CEACAM7: variants seen among roughly 807,000 people sequenced by gnomAD.
CEACAM7 encodes CEA cell adhesion molecule 7.
A neutral mutation model predicts 25.7 loss-of-function variants in CEACAM7; 24 were observed. The ratio of observed to expected loss-of-function variants is 0.93; its 90% confidence interval spans 0.68 to 1.31. The LOEUF is 1.31. CEACAM7 is among the 40% of genes most tolerant of loss of function. The pLI is 0.00. For synonymous variants in CEACAM7, 144 were observed against 129.4 expected (o/e 1.11, Z -0.77); for missense variants, 324 against 330.1 (o/e 0.98, Z 0.14).
In CEACAM7 at chr19:41,674,580, C is replaced by A; in HGVS notation, c.*196G>T. On this transcript the variant is annotated 3_prime_UTR_variant, in exon 5 of 5. Transcript: ENST00000401731. ...TTATGGTGTTGAACATTTTGGTTAG[C>A]TCTGAGTGGCCCACATCTCAGGCAT... The A allele has an allele frequency of 3.4e-6, 1 of 291,424 alleles. No homozygotes were observed. Among genetic ancestry groups the A allele is most frequent in the South Asian group, 3.4e-5 (1 of 29,738 alleles). The allele number at this position is 291,424 out of a possible 1,614,324, so 18.1% of individuals were successfully genotyped here. A position where few individuals can be genotyped will look rare whatever the true frequency, so the allele number is the denominator to read the frequency against.
intron 3 of CEACAM7, among the ~76,000 whole-genome samples, chr19:41,682,246 G>A (rs782242040): frequency 6.6e-5 from 10 of 151,984 alleles, no homozygotes; most frequent in African/African-American, 1.2e-4. Flanking sequence ...GCCCTAAACC[G>A]TATATGTAAA....
chr19:41,683,735 C>T, intron 3 of CEACAM7, 50 bp downstream of exon 3: 1 of 1,604,352 alleles, frequency 6.2e-7, no homozygotes, highest in East Asian at 2.2e-5. Context: ...TCTCTGGCTG[C>T]ATGGATTTGG....
At position 41,674,050 on chromosome 19, in the gene CEACAM7, T is replaced by C. The variant is rs2072090404; in HGVS notation, c.*726A>G. On this transcript the variant is annotated 3_prime_UTR_variant, in exon 5 of 5. Coordinates refer to ENST00000401731, the MANE Select transcript of CEACAM7 (RefSeq NM_001291485.2). ...CAGCATATTTGTTAATTTTTGCAAC[T>C]GAGTCTCTATAGTACCCACTGTATT... is the stretch of plus-strand genomic sequence containing the variant. The C allele has an allele frequency of 6.6e-6, 1 of 152,228 alleles. No individual in the cohort carries two copies. Among genetic ancestry groups the C allele is most frequent in the Non-Finnish European group, 1.5e-5 (1 of 68,032 alleles). 9.4% of individuals were successfully genotyped at this position (152,228 alleles called of 1,614,324 possible). A position where few individuals can be genotyped will look rare whatever the true frequency, so the allele number is the denominator to read the frequency against.
chr19:41,687,352 T>C, intron 1 of CEACAM7, 131 bp from the exon 2 acceptor site: 2 of 881,956 alleles, frequency 2.3e-6, no homozygotes, highest in Non-Finnish European at 3.5e-6. Context: ...TGTGTGTGTG[T>C]CCTACTGGAT....
rs1232125972 is a variant in CEACAM7, at chr19:41,684,067, T to A, written c.428-4A>T. The A allele has an allele frequency of 1.1e-5, 18 of 1,612,516 alleles. No homozygotes were observed. Among genetic ancestry groups the A allele is most frequent in the African/African-American group, 2.7e-5 (2 of 74,606 alleles). On this transcript the variant is annotated splice_region_variant and splice_polypyrimidine_tract_variant and intron_variant, in intron 2 of 4. Coordinates refer to ENST00000401731, the MANE Select transcript of CEACAM7 (RefSeq NM_001291485.2). ...ATGGAGGGCTTGGGTGGCTCCGCTG[T>A]GCAGATAAGAGAGAGAAAAGATTGC...
chr19:41,678,047 T>C (rs1600428531), intron 3 of CEACAM7, among the ~76,000 whole-genome samples: 2 of 152,182 alleles, frequency 1.3e-5, no homozygotes, highest in South Asian at 4.1e-4. Context: ...TTTCTTTTTT[T>C]TCTCTTTCTC....
In CEACAM7 at chr19:41,675,351, A is replaced by G. The variant is rs138765595; in HGVS notation, c.*37-612T>C. On this transcript the variant is annotated intron_variant, in intron 4 of 4. Coordinates refer to ENST00000401731, the MANE Select transcript of CEACAM7 (RefSeq NM_001291485.2). The stretch of plus-strand genomic sequence containing the variant: ...GTTTCTGTAAGCTATAGATAGCTTA[A>G]AAGAAAAATATTCCTTCAAATTTGG... Among the ~76,000 whole-genome samples, 19 of 152,370 alleles carry G rather than the reference A, an allele frequency of 1.2e-4. No individual in the cohort carries two copies. In the East Asian group the frequency reaches 3.7e-3, roughly 29 times the overall value.
At chr19:41,675,633 T>G (rs184796355) in intron 4 of CEACAM7, among the ~76,000 whole-genome samples, 93 of 152,310 alleles carry the variant, frequency 6.1e-4, no homozygotes, top group African/African-American at 2.1e-3. Flanking sequence ...CAAGCAGTTT[T>G]GGACTGTAAC....
At chr19:41,679,333 C>T (rs899352901) in intron 3 of CEACAM7, among the ~76,000 whole-genome samples, 2 of 152,108 alleles carry the variant, frequency 1.3e-5, no homozygotes. Flanking sequence ...CTAATAACTA[C>T]TAGGGAGACT....
chr19:41,687,928 A>G (rs1289483403), intron 1 of CEACAM7, among the ~76,000 whole-genome samples, 174 bp downstream of exon 1: 1 of 152,190 alleles, frequency 6.6e-6, no homozygotes, highest in Non-Finnish European at 1.5e-5. Context: ...ACCCTTTCCA[A>G]TTCCAGTCCA....
chr19:41,674,500 C>G lies in CEACAM7; in HGVS notation c.*276G>C, dbSNP rs79524342. 0.032 allele frequency: 5,140 copies of G among 162,294 alleles called. 281 individuals are homozygous for G. The highest frequency in any genetic ancestry group is 0.11 in the African/African-American group (4,789 of 41,670). The allele number at this position is 162,294 out of a possible 1,614,324, so 10.1% of individuals were successfully genotyped here. ...CTTGGGACATCTTGGGAAAAACTGTCCACAGCATGAAGTCATCAACTTCTT... is the reference window on the plus strand; with the variant it reads ...CTTGGGACATCTTGGGAAAAACTGTGCACAGCATGAAGTCATCAACTTCTT... On this transcript the variant is annotated 3_prime_UTR_variant, in exon 5 of 5. Transcript: ENST00000401731.
intron 2 of CEACAM7, among the ~76,000 whole-genome samples, chr19:41,686,609 C>T (rs1157673969): frequency 3.3e-5 from 5 of 152,162 alleles, no homozygotes; most frequent in Admixed American, 3.3e-4. Context: ...TGAGACTGAT[C>T]TCCCCCTGCT....
In CEACAM7 at chr19:41,686,971, A is replaced by G. The variant is rs1555811268; in HGVS notation, c.315T>C (p.Asn105=). Residue 105 remains asparagine (N), a synonymous_variant, in exon 2 of 5, where the codon AAT becomes AAC. Transcript: ENST00000401731. ...AHNGRETIYP[N]GTLLIQNVTH... is the part of the protein sequence containing the mutation. ...TGACGTTCTGGATCAGCAGGGTTCC[A>G]TTGGGGTATATTGTCTCTCGACCGT... is the stretch of plus-strand genomic sequence containing the variant. 1 of 1,612,028 alleles carries G rather than the reference A, an allele frequency of 6.2e-7. No individual in the cohort carries two copies. The highest frequency in any genetic ancestry group is 2.2e-5 in the East Asian group (1 of 44,864).
Position 41,674,000 on chromosome 19 carries a change from G to A in CEACAM7, c.*776C>T, listed in dbSNP as rs1471209065. ...GAATAGATTAAAGAATGAGCCACAT[G>A]AGAAGCCTACCCATTTTAATCAAGC... On this transcript the variant is annotated 3_prime_UTR_variant, in exon 5 of 5. Coordinates refer to ENST00000401731, the MANE Select transcript of CEACAM7 (RefSeq NM_001291485.2). 3.3e-5 allele frequency: 5 copies of A among 152,244 alleles called. No homozygotes were observed. Among genetic ancestry groups the A allele is most frequent in the South Asian group, 2.1e-4 (1 of 4,828 alleles). The allele number at this position is 152,244 out of a possible 1,614,324, so 9.4% of individuals were successfully genotyped here.
intron 1 of CEACAM7, 140 bp from the exon 2 acceptor site, chr19:41,687,361 A>G: frequency 1.2e-6 from 1 of 825,004 alleles, no homozygotes; most frequent in Admixed American, 2.4e-5. Context: ...GTCCTACTGG[A>G]TCAATGTCAG....
At position 41,687,127 on chromosome 19, in the gene CEACAM7, TAGA is replaced by T; in HGVS notation, c.156_158del (p.Leu53del). The stretch of plus-strand genomic sequence containing the variant: ...GATTCTGGGACTCATTATGGACTAC[TAGA>T]AGGACCTCCTTCCCTTCTGCGACAT... On this transcript the variant is annotated inframe_deletion, in exon 2 of 5. Transcript: ENST00000401731. 6.2e-7 allele frequency: 1 copy of T among 1,614,124 alleles called. No homozygotes were observed. The highest frequency in any genetic ancestry group is 1.7e-4 in the Middle Eastern group (1 of 6,058).
intron 4 of CEACAM7, among the ~76,000 whole-genome samples, chr19:41,675,327 T>A (rs1042051035): frequency 5.3e-5 from 8 of 152,174 alleles, no homozygotes; most frequent in African/African-American, 1.7e-4. Flanking sequence ...TTTTACCAAG[T>A]TTCTGTAAGC....
chr19:41,687,135 C>T lies in CEACAM7; in HGVS notation c.151G>A (p.Val51Ile). The T allele has an allele frequency of 6.2e-7, 1 of 1,614,046 alleles. No homozygotes were observed. The highest frequency in any genetic ancestry group is 8.5e-7 in the Non-Finnish European group (1 of 1,179,962). The change falls in exon 2 of 5, where the codon GTC (valine) becomes ATC (isoleucine). Residue 51 changes from valine to isoleucine, a missense_variant. Physicochemically the swap from Val to Ile is conservative, Grantham distance 29. Transcript: ENST00000401731. ...VPFNVAEGKE[V>I]LLVVHNESQN... ...GACTCATTATGGACTACTAGAAGGACCTCCTTCCCTTCTGCGACATTGAAC... is the reference window on the plus strand; with the variant it reads ...GACTCATTATGGACTACTAGAAGGATCTCCTTCCCTTCTGCGACATTGAAC...
In CEACAM7 at chr19:41,682,233, C is replaced by A. The variant is rs565015009; in HGVS notation, c.706+1552G>T. Among the ~76,000 whole-genome samples, 40 of 152,230 alleles carry A rather than the reference C, an allele frequency of 2.6e-4. No homozygotes were observed. The South Asian group carries it at 8.1e-3, about 31-fold the overall frequency. Reference sequence around the variant, plus strand: ...GAATTACAGGAATCAGCCACCGCGCCCAGCCCTAAACCGTATATGTAAAAT... The same window carrying A: ...GAATTACAGGAATCAGCCACCGCGCACAGCCCTAAACCGTATATGTAAAAT... On this transcript the variant is annotated intron_variant, in intron 3 of 4. Transcript: ENST00000401731.
Sources: allele counts gnomAD v4.1 joint callset (sites outside exome capture counted in the v4.1 genomes callset), GRCh38; gene constraint gnomAD v4.1.1; transcripts MANE v1.5; gene names NCBI Gene and HGNC (gene_info 2026-07-23, HGNC 2026-07-21).